The following FGFR2 variants were observed in gnomAD, a reference collection of about 807,000 sequenced individuals.
FGFR2 encodes the protein fibroblast growth factor receptor 2.
FGFR2 carries 19 observed loss-of-function variants against 95.9 expected under a neutral mutation model. The ratio of observed to expected loss-of-function variants is 0.20; its 90% confidence interval spans 0.14 to 0.29. The LOEUF is 0.29. Ranked by LOEUF, FGFR2 falls within the 10% of genes least tolerant of loss-of-function variation. The probability of loss-of-function intolerance (pLI) is 1.00; values close to 1 mark genes in which losing one functional copy is unlikely to be tolerated. For synonymous variants in FGFR2, 392 were observed against 393.3 expected, an observed-to-expected ratio of 1.00 and a Z score of 0.04; for missense variants, 707 against 1,056.9, an observed-to-expected ratio of 0.67 and a Z score of 4.59.
At chr10:121,537,654 C>T (rs187221488) in intron 6 of FGFR2, among the ~76,000 whole-genome samples, 72 of 152,202 alleles carry the variant, frequency 4.7e-4, no homozygotes, top group African/African-American at 1.6e-3. Context: ...TACGGCAAAA[C>T]GTGAGTGTGA....
intron 9 of FGFR2, among the ~76,000 whole-genome samples, chr10:121,505,109 G>A (rs1848107379): frequency 6.6e-6 from 1 of 152,184 alleles, no homozygotes; most frequent in Admixed American, 6.5e-5. Flanking sequence ...GAGTCCAGAT[G>A]AACAAATTTA....
chr10:121,494,582 A>G (rs1846532258), intron 13 of FGFR2, among the ~76,000 whole-genome samples: 1 of 152,162 alleles, frequency 6.6e-6, no homozygotes, highest in South Asian at 2.1e-4. Context: ...AGGCTTATTT[A>G]GGAAGAGTTC....
intron 6 of FGFR2, among the ~76,000 whole-genome samples, chr10:121,532,300 T>C (rs1852190266): frequency 6.6e-6 from 1 of 152,140 alleles, no homozygotes. Context: ...TTCAATATCC[T>C]AACGTCTCTG....
At chr10:121,528,711 C>T (rs1004118337) in intron 6 of FGFR2, among the ~76,000 whole-genome samples, 5 of 152,144 alleles carry the variant, frequency 3.3e-5, no homozygotes, top group Non-Finnish European at 7.4e-5. Context: ...AAAATAATCA[C>T]GGTTCTAGAT....
At chr10:121,565,947 A>C (rs1857610287) in intron 2 of FGFR2, 1 of 583,982 alleles carries the variant, frequency 1.7e-6, no homozygotes, top group African/African-American at 1.9e-5. Context: ...ATGGGGCTTT[A>C]GAAACAAACC....
At chr10:121,541,506 G>T (rs913580976) in intron 5 of FGFR2, among the ~76,000 whole-genome samples, 5 of 152,080 alleles carry the variant, frequency 3.3e-5, no homozygotes, top group Non-Finnish European at 7.4e-5. Flanking sequence ...TAAACCTAAA[G>T]AAACCACTCT....
chr10:121,538,357 C>T (rs780184214), intron 6 of FGFR2: 13 of 792,776 alleles, frequency 1.6e-5, no homozygotes, highest in Admixed American at 1.4e-4. Flanking sequence ...CCACTTTACA[C>T]AGATGACGCT....
chr10:121,539,815 G>A (rs1428015577), intron 5 of FGFR2, among the ~76,000 whole-genome samples: 1 of 152,218 alleles, frequency 6.6e-6, no homozygotes, highest in Non-Finnish European at 1.5e-5. Context: ...GCATCTGCAA[G>A]CACATGAGTG....
chr10:121,556,806 C>A (rs1856230907), intron 4 of FGFR2, among the ~76,000 whole-genome samples: 1 of 152,146 alleles, frequency 6.6e-6, no homozygotes, highest in Non-Finnish European at 1.5e-5. Context: ...TTAAGTCTCA[C>A]AAACTCTCTA....
chr10:121,481,110 C>T (rs1015161993), intron 17 of FGFR2, among the ~76,000 whole-genome samples: 3 of 152,026 alleles, frequency 2.0e-5, no homozygotes, highest in African/African-American at 7.3e-5. Context: ...ACAGGGCCGG[C>T]AAAGCTGAAA....
intron 6 of FGFR2, 148 bp from the exon 7 acceptor site, chr10:121,520,317 C>T: frequency 2.6e-6 from 2 of 761,364 alleles, no homozygotes; most frequent in Non-Finnish European, 4.1e-6. Flanking sequence ...CACTGTGGCC[C>T]CATGAATAAC....
chr10:121,579,263 T>C (rs1388034469), intron 2 of FGFR2, among the ~76,000 whole-genome samples: 3 of 152,198 alleles, frequency 2.0e-5, no homozygotes, highest in African/African-American at 7.2e-5. Context: ...GCACTCCTCA[T>C]CCTGGCGGGC....
chr10:121,506,912 T>C (rs552333358), intron 9 of FGFR2, among the ~76,000 whole-genome samples: 92 of 152,332 alleles, frequency 6.0e-4, no homozygotes, highest in African/African-American at 2.2e-3. Flanking sequence ...AAATATTTTT[T>C]AGAATAATAA....
intron 5 of FGFR2, among the ~76,000 whole-genome samples, chr10:121,540,607 C>T (rs904985381): frequency 1.3e-5 from 2 of 152,172 alleles, no homozygotes; most frequent in Non-Finnish European, 2.9e-5. Context: ...AAAGGAGACC[C>T]TCCCTTCACC....
rs571201278 is a variant in FGFR2 at position 121,479,786 on chromosome 10, G to T, written c.*71C>A. 6.2e-7 allele frequency: 1 copy of T among 1,613,228 alleles called. No homozygotes were observed. Among genetic ancestry groups the T allele is most frequent in the East Asian group, 2.2e-5 (1 of 44,854 alleles). On this transcript the variant is annotated 3_prime_UTR_variant, in exon 18 of 18. Coordinates refer to ENST00000358487, the MANE Select transcript of FGFR2 (RefSeq NM_000141.5). ...AAGTGGAGACAACAAGCTCTGGGAG[G>T]CATGGTCTCCCTGCTCAGTGTAGCT... is the stretch of plus-strand genomic sequence containing the variant.
chr10:121,543,081 T>C (rs1479929075), intron 5 of FGFR2, among the ~76,000 whole-genome samples: 1 of 152,184 alleles, frequency 6.6e-6, no homozygotes, highest in Admixed American at 6.5e-5. Flanking sequence ...CAGAAAGATA[T>C]TCCCAAGCCT....
intron 13 of FGFR2, among the ~76,000 whole-genome samples, chr10:121,490,217 G>A (rs1184484730): frequency 7.7e-6 from 1 of 130,586 alleles, no homozygotes; most frequent in Non-Finnish European, 1.5e-5. Context: ...AGGCTAGAGT[G>A]CAGTGGCACG....
intron 1 of FGFR2, 30 bp from the exon 2 acceptor site, chr10:121,593,997 A>G (rs1234932580): frequency 7.3e-6 from 5 of 689,138 alleles, no homozygotes; most frequent in African/African-American, 7.0e-5. Context: ...GAGTCAGGGA[A>G]TCTTCCCCAA....
intron 6 of FGFR2, among the ~76,000 whole-genome samples, chr10:121,524,099 TATACACACACACACACACACAC>T (rs1398562263): frequency 5.1e-5 from 7 of 137,196 alleles, no homozygotes; most frequent in Non-Finnish European, 9.3e-5. Context: ...CCCGGCTATG[TATACACACACACACACACACAC>T]ACACACACAC....
Sources: gnomAD v4.1 joint callset for allele counts (sites outside exome capture counted in the v4.1 genomes callset) on GRCh38, gnomAD v4.1.1 for gene constraint, MANE v1.5 for transcripts, NCBI Gene and HGNC (gene_info 2026-07-23, HGNC 2026-07-21) for gene names.